Variants in PLEKHA6 observed in about 807,000 individuals in gnomAD.
PLEKHA6 encodes the protein pleckstrin homology domain containing A6.
A neutral mutation model predicts 116.7 loss-of-function variants in PLEKHA6; 60 were observed. That is an observed-to-expected ratio of 0.51 (90% CI 0.42 to 0.64). The LOEUF (loss-of-function observed/expected upper bound fraction) is 0.64, where lower values mean the gene tolerates loss of function less well. Ranked by LOEUF, PLEKHA6 falls within the 30% of genes least tolerant of loss-of-function variation. The pLI is 0.00. For missense variants in PLEKHA6, 1,338 were observed against 1,422.7 expected, an observed-to-expected ratio of 0.94 and a Z score of 0.96; for synonymous variants, 489 against 556.1, an observed-to-expected ratio of 0.88 and a Z score of 1.70.
Position 204,259,378 on chromosome 1 carries a change from C to T in PLEKHA6, c.887G>A (p.Arg296Gln), listed in dbSNP as rs1308797356. ...GTTGGTGCGTGGTGGGAAACTCCGC[C>T]GGTGTCCCCCAGTCTCTCCATCCTG... is the stretch of plus-strand genomic sequence containing the variant. Reference protein sequence around the residue: ...PSQDGETGGHRRSFPPRTNPD... With the variant: ...PSQDGETGGHQRSFPPRTNPD... The change falls in exon 8 of 23, where the codon CGG becomes CAG. Residue 296 changes from arginine to glutamine, a missense_variant. Around this residue, in one of 3 missense-constraint regions of PLEKHA6, gnomAD observed 1,136 missense variants for 1,163.6 expected, o/e 0.98. Transcript: ENST00000272203. The surrounding 1 kb of genome is among the most constrained non-coding windows in gnomAD (Gnocchi z 4.6). 5.0e-6 allele frequency: 8 copies of T among 1,614,104 alleles called. No individual in the cohort carries two copies. The highest frequency in any genetic ancestry group is 2.2e-5 in the East Asian group (1 of 44,884).
Position 204,229,048 on chromosome 1 carries a change from C to G in PLEKHA6, c.2640G>C (p.Leu880=), listed in dbSNP as rs1175850214. The G allele has an allele frequency of 6.2e-7, 1 of 1,614,156 alleles. No individual in the cohort carries two copies. Among genetic ancestry groups the G allele is most frequent in the Non-Finnish European group, 8.5e-7 (1 of 1,180,020 alleles). Residue 880 remains leucine (L), a synonymous_variant, in exon 19 of 23, where the codon CTG becomes CTC. Coordinates refer to ENST00000272203, the MANE Select transcript of PLEKHA6 (RefSeq NM_014935.5). ...EVDISNLEAA[L]RAEEPGGHAY... Reference sequence around the variant, plus strand: ...CATGCCCGCCAGGCTCCTCTGCCCGCAGGGCTGCCTCCAGGTTGGAGATGT... The same window carrying G: ...CATGCCCGCCAGGCTCCTCTGCCCGGAGGGCTGCCTCCAGGTTGGAGATGT...
chr1:204,259,366 G>A lies in PLEKHA6; in HGVS notation c.899C>T (p.Pro300Leu). 1 of 1,614,228 alleles carries A rather than the reference G, an allele frequency of 6.2e-7. No individual in the cohort carries two copies. Among genetic ancestry groups the A allele is most frequent in the Non-Finnish European group, 8.5e-7 (1 of 1,180,042 alleles). ...GETGGHRRSFPPRTNPDKIAQ... is the reference protein window; with the variant it reads ...GETGGHRRSFLPRTNPDKIAQ... ...AATTTTGTCAGGGTTGGTGCGTGGT[G>A]GGAAACTCCGCCGGTGTCCCCCAGT... Residue 300 changes from proline to leucine, a missense_variant, in exon 8 of 23, where the codon CCA becomes CTA. Coordinates refer to ENST00000272203, the MANE Select transcript of PLEKHA6 (RefSeq NM_014935.5). The surrounding 1 kb of genome is among the most constrained non-coding windows in gnomAD (Gnocchi z 4.6).
Position 204,285,420 on chromosome 1 carries a change from G to GT in PLEKHA6, c.-94-10612dup, listed in dbSNP as rs11365107. 2.8e-3 allele frequency among the ~76,000 whole-genome samples: 419 copies of GT among 151,662 alleles called. 4 individuals carry two copies. Among genetic ancestry groups the GT allele is most frequent in the African/African-American group, 9.1e-3 (378 of 41,332 alleles). ...TTAATCTGGACAATCCATTGTTTTCGTTTTTTTGGGTTTTTTGTTGTTTTT... is the reference window on the plus strand; with the variant it reads ...TTAATCTGGACAATCCATTGTTTTCGTTTTTTTTGGGTTTTTTGTTGTTTTT... On this transcript the variant is annotated intron_variant, in intron 1 of 22. Coordinates refer to ENST00000272203, the MANE Select transcript of PLEKHA6 (RefSeq NM_014935.5).
Position 204,229,092 on chromosome 1 carries a change from G to A in PLEKHA6, c.2596C>T (p.Arg866Cys), listed in dbSNP as rs777950104. The change falls in exon 19 of 23, where the codon CGC becomes TGC. Residue 866 changes from arginine (R) to cysteine (C), a missense_variant. Around this residue, in one of 3 missense-constraint regions of PLEKHA6, gnomAD observed 1,136 missense variants for 1,163.6 expected, o/e 0.98. Transcript: ENST00000272203. The stretch of plus-strand genomic sequence containing the variant: ...GAGATGTCTACCTCATGGATGCTGC[G>A]GTGGCGGCGCACCTAGGGGACAGCA... The part of the protein sequence containing the change: ...RPAYKVVRRH[R>C]SIHEVDISNL... 18 of 1,612,846 alleles carry A rather than the reference G, an allele frequency of 1.1e-5. No homozygotes were observed. The highest frequency in any genetic ancestry group is 1.7e-5 in the Admixed American group (1 of 60,002).
chr1:204,227,863 G>C (rs1037516971), intron 21 of PLEKHA6, among the ~76,000 whole-genome samples: 1 of 152,160 alleles, frequency 6.6e-6, no homozygotes, highest in Non-Finnish European at 1.5e-5. Context: ...GATCATCCCG[G>C]CTCTGAGCTC....
intron 1 of PLEKHA6, among the ~76,000 whole-genome samples, chr1:204,286,941 T>C (rs951412008): frequency 3.9e-5 from 6 of 152,182 alleles, no homozygotes; most frequent in African/African-American, 1.4e-4. Flanking sequence ...CTATTGTGCC[T>C]GGTTTCTGTT....
intron 1 of PLEKHA6, among the ~76,000 whole-genome samples, chr1:204,346,485 G>C (rs1012417974): frequency 1.3e-5 from 2 of 152,056 alleles, no homozygotes; most frequent in Non-Finnish European, 1.5e-5. Flanking sequence ...TGACAAAGTG[G>C]AGTCAAATAA....
intron 1 of PLEKHA6, among the ~76,000 whole-genome samples, chr1:204,288,085 A>C (rs1669380237): frequency 6.6e-6 from 1 of 152,124 alleles, no homozygotes; most frequent in Non-Finnish European, 1.5e-5. Flanking sequence ...CATAGACCAG[A>C]CAGATAACCA....
chr1:204,243,741 T>G (rs1663191391), intron 15 of PLEKHA6, among the ~76,000 whole-genome samples: 1 of 152,238 alleles, frequency 6.6e-6, no homozygotes, highest in Non-Finnish European at 1.5e-5. Flanking sequence ...GAATTGGTCT[T>G]GGTCCATAGG....
In PLEKHA6 at chr1:204,223,009, G is replaced by A. The variant is rs112744718; in HGVS notation, c.*9-230C>T. On this transcript the variant is annotated intron_variant, in intron 22 of 22. Transcript: ENST00000272203. The surrounding 1 kb of genome is among the most constrained non-coding windows in gnomAD (Gnocchi z 4.8). Reference sequence around the variant, plus strand: ...AGGGAAGGGTTCACAGCCTTTGGCCGTAGTTGTCAATGTTATTTTAATTTA... The same window carrying A: ...AGGGAAGGGTTCACAGCCTTTGGCCATAGTTGTCAATGTTATTTTAATTTA... Among the ~76,000 whole-genome samples the A allele has an allele frequency of 5.1e-3, 775 of 152,330 alleles. 2 individuals carry two copies. Among genetic ancestry groups the A allele is most frequent in the Middle Eastern group, 0.014 (4 of 294 alleles).
chr1:204,307,889 G>C (rs186965644), intron 1 of PLEKHA6: 5 of 985,374 alleles, frequency 5.1e-6, no homozygotes, highest in Admixed American at 1.2e-4. Flanking sequence ...ACTCAGGATC[G>C]AGGCAATAAG....
chr1:204,350,864 C>G (rs1000101440), intron 1 of PLEKHA6, among the ~76,000 whole-genome samples: 1 of 152,236 alleles, frequency 6.6e-6, no homozygotes, highest in African/African-American at 2.4e-5. Context: ...GGAAACAGCA[C>G]AACATTCTTT....
At chr1:204,323,556 C>A (rs7522769) in intron 1 of PLEKHA6, among the ~76,000 whole-genome samples, 30,306 of 152,028 alleles carry the variant, frequency 0.2, 3,507 homozygotes, top group Non-Finnish European at 0.26. Flanking sequence ...ATGGACATTT[C>A]GGAAGAAAGA....
At position 204,320,047 on chromosome 1, in the gene PLEKHA6, C is replaced by G. The variant is rs530989368; in HGVS notation, c.-95+39647G>C. Among the ~76,000 whole-genome samples the G allele has an allele frequency of 2.6e-3, 392 of 152,304 alleles. 1 individual carries two copies. Among genetic ancestry groups the G allele is most frequent in the African/African-American group, 9.0e-3 (372 of 41,560 alleles). Reference sequence around the variant, plus strand: ...CTAGAGAGCACTAGTAGCAGAGTGGCCTTTCAGCCACCAAGGGGCCAGGAA... The same window carrying G: ...CTAGAGAGCACTAGTAGCAGAGTGGGCTTTCAGCCACCAAGGGGCCAGGAA... On this transcript the variant is annotated intron_variant, in intron 1 of 22. Coordinates refer to ENST00000272203, the MANE Select transcript of PLEKHA6 (RefSeq NM_014935.5).
At chr1:204,278,700 G>A (rs1053289024) in intron 1 of PLEKHA6, among the ~76,000 whole-genome samples, 10 of 152,206 alleles carry the variant, frequency 6.6e-5, no homozygotes, top group Admixed American at 5.9e-4. Flanking sequence ...CAGCTATTTC[G>A]TGGGACTTTT....
At chr1:204,318,682 A>G (rs1272942736) in intron 1 of PLEKHA6, among the ~76,000 whole-genome samples, 1 of 152,228 alleles carries the variant, frequency 6.6e-6, no homozygotes, top group Non-Finnish European at 1.5e-5. Context: ...GCTTTCTACT[A>G]CAATAGCTGG....
At chr1:204,233,775 T>C (rs1279880854) in intron 17 of PLEKHA6, among the ~76,000 whole-genome samples, 1 of 152,078 alleles carries the variant, frequency 6.6e-6, no homozygotes, top group Non-Finnish European at 1.5e-5. Flanking sequence ...AGTTTAAAAA[T>C]GGAGAGATTT....
rs76604777 is a variant in PLEKHA6, at chr1:204,316,041, C to T, written c.-94-41232G>A. Among the ~76,000 whole-genome samples, 193 of 152,258 alleles carry T rather than the reference C, an allele frequency of 1.3e-3. 3 individuals carry two copies. The East Asian group carries it at 0.035, about 27-fold the overall frequency. On this transcript the variant is annotated intron_variant, in intron 1 of 22. Coordinates refer to ENST00000272203, the MANE Select transcript of PLEKHA6 (RefSeq NM_014935.5). ...GCTTATTCCTCATAACTAAATGAAG[C>T]TGGACGGGTATTTGGGGGCCAGACT...
chr1:204,315,559 C>T (rs752213150), intron 1 of PLEKHA6, among the ~76,000 whole-genome samples: 1 of 152,136 alleles, frequency 6.6e-6, no homozygotes, highest in African/African-American at 2.4e-5. Context: ...GCCACCTCTT[C>T]CAGAAAGCTT....
Sources: allele counts gnomAD v4.1 joint callset (sites outside exome capture counted in the v4.1 genomes callset), GRCh38; gene constraint gnomAD v4.1.1; regional missense constraint gnomAD v4.1.1; non-coding constraint Gnocchi (gnomAD v3.1); transcripts MANE v1.5; gene names NCBI Gene and HGNC (gene_info 2026-07-23, HGNC 2026-07-21).